LARS2: variants seen among roughly 807,000 people sequenced by gnomAD.
The protein encoded by LARS2 is leucine--tRNA ligase, mitochondrial.
A neutral mutation model predicts 116.6 loss-of-function variants in LARS2; 81 were observed. The observed-to-expected ratio is 0.69, with a 90% CI of 0.58 to 0.84. The LOEUF is 0.84. LARS2 is among the 40% of genes least tolerant of loss of function. The pLI is 0.00. For missense variants in LARS2, 968 were observed against 1,114.5 expected, an observed-to-expected ratio of 0.87 and a Z score of 1.87; for synonymous variants, 396 against 407.2, an observed-to-expected ratio of 0.97 and a Z score of 0.33.
At chr3:45,514,385 A>C (rs1013818855) in intron 16 of LARS2, among the ~76,000 whole-genome samples, 1 of 152,202 alleles carries the variant, frequency 6.6e-6, no homozygotes, top group African/African-American at 2.4e-5. Context: ...CATTAGAGAC[A>C]GGGTTTAGGG....
chr3:45,403,100 C>T (rs1224478272), intron 4 of LARS2, among the ~76,000 whole-genome samples: 20 of 112,966 alleles, frequency 1.8e-4, no homozygotes, highest in South Asian at 3.2e-4. Context: ...AGCGAAACTC[C>T]GTCTCCAAAG....
Position 45,548,887 on chromosome 3 carries a change from G to T in LARS2, c.*1357G>T, listed in dbSNP as rs1700910329. On this transcript the variant is annotated 3_prime_UTR_variant, in exon 22 of 22. Coordinates refer to ENST00000645846, the MANE Select transcript of LARS2 (RefSeq NM_015340.4). ...GAATACACCATATTCCAATTTCAGA[G>T]TTAATTACAAACAGATTGAGGTATT... 1 of 152,182 alleles carries T rather than the reference G, an allele frequency of 6.6e-6. No individual in the cohort carries two copies. The highest frequency in any genetic ancestry group is 1.5e-5 in the Non-Finnish European group (1 of 68,042). 9.4% of individuals were successfully genotyped at this position (152,182 alleles called of 1,614,324 possible).
At chr3:45,416,332 A>AG (rs933326420) in intron 4 of LARS2, among the ~76,000 whole-genome samples, 1 of 150,906 alleles carries the variant, frequency 6.6e-6, no homozygotes, top group African/African-American at 2.4e-5. Flanking sequence ...TGCCTCAATC[A>AG]GGGGAGAGAG....
intron 15 of LARS2, among the ~76,000 whole-genome samples, chr3:45,511,060 T>C (rs1380415992): frequency 6.6e-6 from 1 of 152,168 alleles, no homozygotes; most frequent in African/African-American, 2.4e-5. Flanking sequence ...TGTCGATGAA[T>C]GGTGTCTGGG....
At chr3:45,432,298 C>T (rs967149981) in intron 6 of LARS2, among the ~76,000 whole-genome samples, 3 of 152,128 alleles carry the variant, frequency 2.0e-5, no homozygotes, top group Admixed American at 6.5e-5. Context: ...ATGTAATAAA[C>T]AAACTAGGTC....
intron 2 of LARS2, among the ~76,000 whole-genome samples, chr3:45,392,173 G>A (rs114618641): frequency 0.015 from 2,225 of 152,162 alleles, 35 homozygotes; most frequent in Non-Finnish European, 0.022. Flanking sequence ...TGTACAAAGC[G>A]TATGTATATT....
intron 19 of LARS2, 94 bp from the exon 20 acceptor site, chr3:45,523,903 C>A: frequency 1.1e-6 from 1 of 880,868 alleles, no homozygotes; most frequent in African/African-American, 1.6e-5. Flanking sequence ...TTCCTACCAG[C>A]TTGTGTCTCT....
chr3:45,511,799 A>T (rs1440352915), intron 15 of LARS2, among the ~76,000 whole-genome samples: 1 of 106,102 alleles, frequency 9.4e-6, no homozygotes, highest in Non-Finnish European at 1.8e-5. Flanking sequence ...TTTTTTGGAG[A>T]CAGAGTCTCG....
At chr3:45,423,393 A>T (rs1005980751) in intron 6 of LARS2, among the ~76,000 whole-genome samples, 1 of 151,852 alleles carries the variant, frequency 6.6e-6, no homozygotes, top group Non-Finnish European at 1.5e-5. Flanking sequence ...GCTCATTGTA[A>T]CCTCTGCCTC....
At position 45,495,866 on chromosome 3, in the gene LARS2, C is replaced by CT. The variant is rs1362982733; in HGVS notation, c.1524-397dup. 4.6e-3 allele frequency among the ~76,000 whole-genome samples: 664 copies of CT among 145,780 alleles called. 4 individuals are homozygous for CT. The highest frequency in any genetic ancestry group is 6.7e-3 in the Non-Finnish European group (443 of 65,862). ...TTGTCTTTTCATATGTGGCTTTATT[C>CT]TTTTTTTTTTTTGAGACAGAGTCTT... On this transcript the variant is annotated intron_variant, in intron 13 of 21. Transcript: ENST00000645846.
At chr3:45,526,724 A>T (rs1700536661) in intron 20 of LARS2, among the ~76,000 whole-genome samples, 2 of 152,056 alleles carry the variant, frequency 1.3e-5, no homozygotes, top group African/African-American at 4.8e-5. Context: ...TCAAGGACAA[A>T]TTTATGGGAC....
intron 6 of LARS2, among the ~76,000 whole-genome samples, chr3:45,436,710 C>T (rs973035937): frequency 6.0e-5 from 9 of 149,696 alleles, no homozygotes; most frequent in Non-Finnish European, 4.4e-5. Context: ...AAGAGAATGG[C>T]GTGAACCCGG....
chr3:45,484,630 A>AATATATATATATATATAT (rs1553634444), intron 10 of LARS2, among the ~76,000 whole-genome samples: 118 of 9,708 alleles, frequency 0.012, 4 homozygotes, highest in East Asian at 0.017. Flanking sequence ...AAAAAAAAAA[A>AATATATATATATATATAT]ATATATATAT....
At chr3:45,435,938 C>G (rs922889853) in intron 6 of LARS2, among the ~76,000 whole-genome samples, 5 of 147,702 alleles carry the variant, frequency 3.4e-5, no homozygotes, top group Non-Finnish European at 7.6e-5. Context: ...TTTCAAAAAT[C>G]CCTCACCTCT....
At chr3:45,402,823 A>G (rs1286987450) in intron 4 of LARS2, among the ~76,000 whole-genome samples, 2 of 152,160 alleles carry the variant, frequency 1.3e-5, no homozygotes, top group African/African-American at 4.8e-5. Context: ...GAGGTGGGAC[A>G]GGCCAGGCAT....
rs1348704101 is a variant in LARS2, at chr3:45,448,373, A to G, written c.606+1393A>G. Among the ~76,000 whole-genome samples, 3 of 152,178 alleles carry G rather than the reference A, an allele frequency of 2.0e-5. No homozygotes were observed. The East Asian group carries it at 5.8e-4, about 29-fold the overall frequency. On this transcript the variant is annotated intron_variant, in intron 7 of 21. Transcript: ENST00000645846. ...TCCACCCCCACACTGCTGTTTGGTC[A>G]GGATTTAGTCTTGGTTTTTTTCCAG...
chr3:45,514,821 G>T (rs1257138188), intron 16 of LARS2, among the ~76,000 whole-genome samples: 1 of 152,226 alleles, frequency 6.6e-6, no homozygotes, highest in Non-Finnish European at 1.5e-5. Context: ...GCAGGGTAAA[G>T]GGGCCAGTGG....
At chr3:45,409,054 C>T (rs958566933) in intron 4 of LARS2, among the ~76,000 whole-genome samples, 16 of 152,060 alleles carry the variant, frequency 1.1e-4, no homozygotes, top group Non-Finnish European at 2.4e-4. Context: ...AGTGTATTTT[C>T]AGTAGATGTT....
At chr3:45,484,630 A>AAAAAAAT (rs1553634443) in intron 10 of LARS2, among the ~76,000 whole-genome samples, 8 of 9,746 alleles carry the variant, frequency 8.2e-4, no homozygotes, top group Non-Finnish European at 9.5e-4. Context: ...AAAAAAAAAA[A>AAAAAAAT]ATATATATAT....
Sources: allele counts gnomAD v4.1 joint callset (sites outside exome capture counted in the v4.1 genomes callset), GRCh38; gene constraint gnomAD v4.1.1; transcripts MANE v1.5; gene names NCBI Gene and HGNC (gene_info 2026-07-23, HGNC 2026-07-21).